The following SYT16 variants were observed in gnomAD, a reference collection of about 807,000 sequenced individuals.
SYT16 encodes the protein synaptotagmin-16.
SYT16 carries 42 observed loss-of-function variants against 61.4 expected under a neutral mutation model. The observed-to-expected ratio is 0.68, with a 90% CI of 0.53 to 0.89. SYT16 has a LOEUF of 0.89. Ranked by LOEUF, SYT16 falls within the 40% of genes least tolerant of loss-of-function variation. The pLI is 0.00. For missense variants in SYT16, 804 were observed against 807.3 expected, an observed-to-expected ratio of 1.00 and a Z score of 0.05; for synonymous variants, 314 against 302.3, an observed-to-expected ratio of 1.04 and a Z score of -0.40.
At chr14:61,922,933 C>T (rs2049389701) in intron 1 of SYT16, among the ~76,000 whole-genome samples, 1 of 151,810 alleles carries the variant, frequency 6.6e-6, no homozygotes, top group African/African-American at 2.4e-5. Context: ...CCTGTAATCC[C>T]AGCTGCTCAG....
chr14:62,069,895 C>T (rs147582133), intron 4 of SYT16, 80 bp downstream of exon 4: 1 of 1,452,052 alleles, frequency 6.9e-7, no homozygotes, highest in African/African-American at 1.4e-5. Flanking sequence ...ACCCTCTGCA[C>T]TCTGCATCTG....
chr14:62,035,194 C>A (rs943920838), intron 3 of SYT16, among the ~76,000 whole-genome samples: 1 of 152,142 alleles, frequency 6.6e-6, no homozygotes, highest in African/African-American at 2.4e-5. Context: ...TTGCTAGACT[C>A]CCCTTAAATC....
intron 1 of SYT16, among the ~76,000 whole-genome samples, chr14:61,952,180 T>G (rs1019122861): frequency 6.6e-6 from 1 of 152,134 alleles, no homozygotes; most frequent in Non-Finnish European, 1.5e-5. Flanking sequence ...GGCTCATGTA[T>G]TGCTTAATTA....
At chr14:62,019,964 C>T (rs1014102286) in intron 3 of SYT16, among the ~76,000 whole-genome samples, 1 of 152,184 alleles carries the variant, frequency 6.6e-6, no homozygotes, top group African/African-American at 2.4e-5. Flanking sequence ...CAGAATTAGT[C>T]AAGGGAATTG....
At chr14:61,884,190 A>G (rs1160172129) in intron 1 of SYT16, among the ~76,000 whole-genome samples, 1 of 152,124 alleles carries the variant, frequency 6.6e-6, no homozygotes. Flanking sequence ...TCTCAGGACT[A>G]TTTTTCAATA....
chr14:61,819,184 C>G (rs2045538395), intron 1 of SYT16, among the ~76,000 whole-genome samples: 1 of 152,156 alleles, frequency 6.6e-6, no homozygotes, highest in Non-Finnish European at 1.5e-5. Context: ...TAAACCTTCC[C>G]TTCTCCTGAG....
intron 7 of SYT16, among the ~76,000 whole-genome samples, chr14:62,093,907 C>T (rs1309418030): frequency 6.6e-6 from 1 of 152,078 alleles, no homozygotes; most frequent in Non-Finnish European, 1.5e-5. Context: ...TTCTCCTTTG[C>T]ATTACAGTCC....
At chr14:61,897,216 C>T (rs1421822942) in intron 1 of SYT16, 1 of 152,192 alleles carries the variant, frequency 6.6e-6, no homozygotes, top group African/African-American at 2.4e-5. Flanking sequence ...GACCATATGG[C>T]CTACACCGAA....
intron 1 of SYT16, among the ~76,000 whole-genome samples, chr14:61,906,787 G>GTCCATCCATCCA (rs60022651): frequency 0.11 from 15,261 of 142,268 alleles, 941 homozygotes; most frequent in African/African-American, 0.14. Flanking sequence ...CCGTCCGTCC[G>GTCCATCCATCCA]TCCATCCATC....
At chr14:62,061,953 T>C (rs2055845890) in intron 3 of SYT16, among the ~76,000 whole-genome samples, 1 of 127,892 alleles carries the variant, frequency 7.8e-6, no homozygotes, top group Non-Finnish European at 1.6e-5. Context: ...TAAAAAATGT[T>C]GTTGTGAATT....
intron 5 of SYT16, among the ~76,000 whole-genome samples, chr14:62,076,799 CCTATTGATACTCTGT>C (rs1376165710): frequency 2.6e-5 from 4 of 152,164 alleles, no homozygotes; most frequent in Non-Finnish European, 5.9e-5. Context: ...GATTTGCCTG[CCTATTGATACTCTGT>C]CTCCTTGGTG....
At position 62,100,445 on chromosome 14, in the gene SYT16, G is replaced by T. The variant is rs376542046; in HGVS notation, c.1676G>T (p.Arg559Leu). ...LLNSVGQEMS[R>L]CKTSIRRGQP... ...AATTCTGTGGGTCAAGAGATGTCCC[G>T]TTGCAAGACGTCCATTCGGCGTGGT... is the stretch of plus-strand genomic sequence containing the variant. Residue 559 changes from arginine to leucine, a missense_variant, in exon 8 of 8, where the codon CGT becomes CTT. By Grantham distance (102) the Arg-to-Leu change is moderately radical. Transcript: ENST00000683842. 6.2e-7 allele frequency: 1 copy of T among 1,612,946 alleles called. No individual in the cohort carries two copies. Among genetic ancestry groups the T allele is most frequent in the Non-Finnish European group, 8.5e-7 (1 of 1,179,510 alleles).
At chr14:61,936,049 G>C (rs2140437047) in intron 1 of SYT16, among the ~76,000 whole-genome samples, 1 of 151,770 alleles carries the variant, frequency 6.6e-6, no homozygotes, top group African/African-American at 2.4e-5. Context: ...ATCTTCTTTA[G>C]AAAAAAAACC....
intron 1 of SYT16, among the ~76,000 whole-genome samples, chr14:61,843,838 G>A (rs1422699972): frequency 6.6e-6 from 1 of 152,142 alleles, no homozygotes; most frequent in Non-Finnish European, 1.5e-5. Flanking sequence ...CAGATAATGT[G>A]ATTCTTCCAG....
At chr14:62,072,916 GT>G (rs906155972) in intron 4 of SYT16, among the ~76,000 whole-genome samples, 2 of 152,188 alleles carry the variant, frequency 1.3e-5, no homozygotes, top group Non-Finnish European at 2.9e-5. Flanking sequence ...ATGTGACATA[GT>G]TATGGCCTAT....
At chr14:61,944,783 C>T (rs2050352831) in intron 1 of SYT16, among the ~76,000 whole-genome samples, 1 of 152,134 alleles carries the variant, frequency 6.6e-6, no homozygotes, top group Non-Finnish European at 1.5e-5. Flanking sequence ...ACCATACAAA[C>T]CCTAGAAGAA....
At chr14:61,843,395 G>A (rs2046355122) in intron 1 of SYT16, among the ~76,000 whole-genome samples, 1 of 152,142 alleles carries the variant, frequency 6.6e-6, no homozygotes, top group Non-Finnish European at 1.5e-5. Flanking sequence ...CTGTACAGAA[G>A]CTTTTTAACT....
At chr14:62,076,053 T>C (rs558553766) in intron 5 of SYT16, among the ~76,000 whole-genome samples, 1 of 152,332 alleles carries the variant, frequency 6.6e-6, no homozygotes, top group South Asian at 2.1e-4. Context: ...TAGTCCAGAA[T>C]AAATGTAACA....
chr14:62,050,980 C>G (rs968000245), intron 3 of SYT16, among the ~76,000 whole-genome samples: 1 of 152,214 alleles, frequency 6.6e-6, no homozygotes, highest in Non-Finnish European at 1.5e-5. Flanking sequence ...CTGGGAGAAC[C>G]ACTACTCTCT....
Sources: gnomAD v4.1 joint callset for allele counts (sites outside exome capture counted in the v4.1 genomes callset) on GRCh38, gnomAD v4.1.1 for gene constraint, MANE v1.5 for transcripts, NCBI Gene and HGNC (gene_info 2026-07-23, HGNC 2026-07-21) for gene names.